Variants in RAD18 observed in about 807,000 individuals in gnomAD.
RAD18 encodes the protein RAD18 E3 ubiquitin protein ligase.
In RAD18, 47 loss-of-function variants were observed where a neutral mutation model predicts 60.4. The ratio of observed to expected loss-of-function variants is 0.78; its 90% CI spans 0.62 to 0.99. The LOEUF (loss-of-function observed/expected upper bound fraction) is 0.99. Among genes scored for constraint, RAD18 ranks in the 50% least tolerant of loss-of-function variants. RAD18 has a pLI of 0.00. For missense variants in RAD18, 640 were observed against 593.3 expected (o/e 1.08, Z -0.82); for synonymous variants, 225 against 195.5 (o/e 1.15, Z -1.26).
chr3:8,930,597 A>G (rs553105185), intron 7 of RAD18, among the ~76,000 whole-genome samples: 2 of 152,324 alleles, frequency 1.3e-5, no homozygotes, highest in African/African-American at 4.8e-5. Flanking sequence ...TTAATACTCA[A>G]TGTTATAAAT....
chr3:8,881,583 G>T, intron 12 of RAD18, 124 bp from the exon 13 acceptor site: 1 of 700,826 alleles, frequency 1.4e-6, no homozygotes, highest in Non-Finnish European at 2.4e-6. Context: ...CTATTCTGTT[G>T]ATGAATTCAT....
rs886259135 is a variant in RAD18, at chr3:8,927,503, A to G, written c.889+8368T>C. Among the ~76,000 whole-genome samples the G allele has an allele frequency of 1.2e-4, 18 of 152,304 alleles. No individual in the cohort carries two copies. The South Asian group carries it at 1.7e-3, about 14-fold the overall frequency. On this transcript the variant is annotated intron_variant, in intron 7 of 12. Transcript: ENST00000264926. ...CAACCATTGTAGAAGTCAGTGTGGC[A>G]ATTCCTCAGGGATCTACAGCTAGAA...
At chr3:8,961,765 G>T (rs753106864) in intron 1 of RAD18, among the ~76,000 whole-genome samples, 10 of 152,158 alleles carry the variant, frequency 6.6e-5, no homozygotes, top group Non-Finnish European at 1.5e-4. Context: ...CTCACTGAAC[G>T]CTCTGTGGTG....
chr3:8,916,175 G>A (rs1299375991), intron 7 of RAD18, among the ~76,000 whole-genome samples: 1 of 152,204 alleles, frequency 6.6e-6, no homozygotes, highest in Non-Finnish European at 1.5e-5. Flanking sequence ...CCCTTCAGGA[G>A]GATCAGGAAA....
Position 8,935,268 on chromosome 3 carries a change from T to C in RAD18, c.889+603A>G, listed in dbSNP as rs77919673. Among the ~76,000 whole-genome samples the C allele has an allele frequency of 6.9e-3, 1,044 of 152,356 alleles. 8 individuals carry two copies. Among genetic ancestry groups the C allele is most frequent in the African/African-American group, 0.024 (1,002 of 41,586 alleles). ...TGTTAATAGAAAGAACTCCAATGTATGTGTGTGGTTTAATGAAAAGAACCA... is the reference window on the plus strand; with the variant it reads ...TGTTAATAGAAAGAACTCCAATGTACGTGTGTGGTTTAATGAAAAGAACCA... On this transcript the variant is annotated intron_variant, in intron 7 of 12. Coordinates refer to ENST00000264926, the MANE Select transcript of RAD18 (RefSeq NM_020165.4).
Position 8,939,639 on chromosome 3 carries a change from A to T in RAD18, c.619T>A (p.Cys207Ser). The T allele has an allele frequency of 6.2e-7, 1 of 1,612,098 alleles. No homozygotes were observed. Among genetic ancestry groups the T allele is most frequent in the South Asian group, 1.1e-5 (1 of 90,920 alleles). The change falls in exon 6 of 13, where the codon TGC becomes AGC. Residue 207 changes from cysteine to serine, a missense_variant. Cys to Ser is a moderately radical substitution (Grantham distance 112). Transcript: ENST00000264926. ...TGACTTTCTGGAATGTTAACCCCGCAAACAGGACAATCCACTGTATTTTTT... is the reference window on the plus strand; with the variant it reads ...TGACTTTCTGGAATGTTAACCCCGCTAACAGGACAATCCACTGTATTTTTT... The part of the protein sequence containing the change: ...KQVTKVDCPV[C>S]GVNIPESHIN...
At chr3:8,921,253 T>C (rs1260942129) in intron 7 of RAD18, among the ~76,000 whole-genome samples, 19 of 152,250 alleles carry the variant, frequency 1.2e-4, no homozygotes, top group Non-Finnish European at 5.9e-5. Context: ...TCAACTTTCC[T>C]ATAAACTTCC....
intron 11 of RAD18, among the ~76,000 whole-genome samples, chr3:8,892,164 G>T (rs1939701713): frequency 6.6e-6 from 1 of 152,204 alleles, no homozygotes; most frequent in African/African-American, 2.4e-5. Flanking sequence ...TCTGGGGTCA[G>T]AGCATATACA....
In RAD18 at chr3:8,883,341, T is replaced by C. The variant is rs376673220; in HGVS notation, c.1386-1882A>G. Among the ~76,000 whole-genome samples, 15 of 152,300 alleles carry C rather than the reference T, an allele frequency of 9.8e-5. 1 individual carries two copies. In the East Asian group the frequency reaches 2.5e-3, roughly 25 times the overall value. On this transcript the variant is annotated intron_variant, in intron 12 of 12. Coordinates refer to ENST00000264926, the MANE Select transcript of RAD18 (RefSeq NM_020165.4). The stretch of plus-strand genomic sequence containing the variant: ...AAATAAACAACCAACAAACAAGATC[T>C]CTCCAGGATTTGTTGTTGTTGCTGT...
intron 7 of RAD18, among the ~76,000 whole-genome samples, chr3:8,929,028 A>G (rs544080016): frequency 3.8e-4 from 58 of 152,336 alleles, no homozygotes; most frequent in African/African-American, 1.3e-3. Context: ...CACAACAAAA[A>G]TTAGAAAATA....
At chr3:8,921,997 G>C (rs912487616) in intron 7 of RAD18, among the ~76,000 whole-genome samples, 4 of 152,214 alleles carry the variant, frequency 2.6e-5, no homozygotes, top group African/African-American at 9.6e-5. Flanking sequence ...CCAGTCTACA[G>C]CTCTCAGCAT....
At chr3:8,902,905 A>G (rs1272320437) in intron 9 of RAD18, among the ~76,000 whole-genome samples, 1 of 152,092 alleles carries the variant, frequency 6.6e-6, no homozygotes, top group African/African-American at 2.4e-5. Context: ...GTGTGCCTAT[A>G]ATCCCAGCTA....
intron 2 of RAD18, among the ~76,000 whole-genome samples, chr3:8,952,286 A>G (rs1940939144): frequency 6.6e-6 from 1 of 152,210 alleles, no homozygotes; most frequent in African/African-American, 2.4e-5. Flanking sequence ...ATGAGACTCA[A>G]GGTATGAATC....
At chr3:8,960,253 GC>G (rs1258332575) in intron 1 of RAD18, among the ~76,000 whole-genome samples, 5 of 152,184 alleles carry the variant, frequency 3.3e-5, no homozygotes, top group African/African-American at 1.2e-4. Context: ...GCTGCAGTGA[GC>G]CGTGATTGCC....
At chr3:8,956,881 T>C (rs536619518) in intron 2 of RAD18, among the ~76,000 whole-genome samples, 1 of 152,272 alleles carries the variant, frequency 6.6e-6, no homozygotes, top group South Asian at 2.1e-4. Context: ...ACTGAATGCT[T>C]TCCCCAAAAA....
chr3:8,903,952 A>C (rs1298621652), intron 9 of RAD18, among the ~76,000 whole-genome samples: 2 of 152,138 alleles, frequency 1.3e-5, no homozygotes, highest in African/African-American at 4.8e-5. Context: ...GGCATTGTCT[A>C]AATCTACTCT....
At chr3:8,910,256 T>C (rs13079228) in intron 9 of RAD18, among the ~76,000 whole-genome samples, 3,407 of 152,282 alleles carry the variant, frequency 0.022, 57 homozygotes, top group Non-Finnish European at 0.032. Flanking sequence ...GGTTTAGAGA[T>C]ATATTAGTAC....
chr3:8,932,188 C>T (rs968362575), intron 7 of RAD18, among the ~76,000 whole-genome samples: 1 of 151,938 alleles, frequency 6.6e-6, no homozygotes, highest in African/African-American at 2.4e-5. Context: ...AATTAAATTT[C>T]GTCAAAATTA....
At chr3:8,890,093 T>C (rs970396668) in intron 12 of RAD18, 2 of 362,360 alleles carry the variant, frequency 5.5e-6, no homozygotes, top group Non-Finnish European at 1.0e-5. Context: ...TGAAATCACA[T>C]TTCTCAGGAC....
Sources: allele counts gnomAD v4.1 joint callset (sites outside exome capture counted in the v4.1 genomes callset), GRCh38; gene constraint gnomAD v4.1.1; transcripts MANE v1.5; gene names NCBI Gene and HGNC (gene_info 2026-07-23, HGNC 2026-07-21).